The following MYO1E variants were observed in gnomAD, a reference collection of about 807,000 sequenced individuals.
MYO1E encodes the protein unconventional myosin-Ie.
In MYO1E, 68 loss-of-function variants were observed where a neutral mutation model predicts 151.1. The ratio of observed to expected loss-of-function variants is 0.45; its 90% CI spans 0.37 to 0.55. The LOEUF (loss-of-function observed/expected upper bound fraction) is 0.55. Ranked by LOEUF, MYO1E falls within the 20% of genes least tolerant of loss-of-function variation. MYO1E has a pLI of 0.00. For synonymous variants in MYO1E, 601 were observed against 501.7 expected (o/e 1.20, Z -2.64); for missense variants, 1,363 against 1,389.3 (o/e 0.98, Z 0.30).
chr15:59,227,468 T>C lies in MYO1E; in HGVS notation c.633A>G (p.Ile211Met). ...AAGTAAACAGGAAAACCTGGTAAAATATGTGAAAACTCCGCTCTCCTGGGT... is the reference window on the plus strand; with the variant it reads ...AAGTAAACAGGAAAACCTGGTAAAACATGTGAAAACTCCGCTCTCCTGGGT... ...MRNPGERSFHIFYQLIEGASA... is the reference protein window; with the variant it reads ...MRNPGERSFHMFYQLIEGASA... Residue 211 changes from isoleucine (I) to methionine (M), a missense_variant, in exon 7 of 28, where the codon ATA becomes ATG. Physicochemically the swap from Ile to Met is conservative, Grantham distance 10. Transcript: ENST00000288235. 6.2e-7 allele frequency: 1 copy of C among 1,614,042 alleles called. No homozygotes were observed.
intron 1 of MYO1E, among the ~76,000 whole-genome samples, chr15:59,358,828 C>T (rs2080869464): frequency 6.6e-6 from 1 of 152,078 alleles, no homozygotes. Context: ...CAAACATTTC[C>T]AGTAAAAGCA....
At chr15:59,245,505 T>C (rs760067862) in intron 4 of MYO1E, among the ~76,000 whole-genome samples, 1 of 152,170 alleles carries the variant, frequency 6.6e-6, no homozygotes, top group Non-Finnish European at 1.5e-5. Flanking sequence ...TTTAAAAAAG[T>C]ATTTATTTAG....
intron 1 of MYO1E, among the ~76,000 whole-genome samples, chr15:59,297,437 ATT>A (rs755470049): frequency 6.6e-4 from 42 of 63,478 alleles, no homozygotes; most frequent in Admixed American, 1.3e-3. Context: ...CACCCAGCTA[ATT>A]TTTTTTTTTT....
At chr15:59,363,766 G>C (rs1254090274) in intron 1 of MYO1E, among the ~76,000 whole-genome samples, 1 of 152,134 alleles carries the variant, frequency 6.6e-6, no homozygotes, top group African/African-American at 2.4e-5. Context: ...CTCATAAGCA[G>C]AGGCAGAGAG....
chr15:59,164,492 T>G (rs2079553800), intron 22 of MYO1E, among the ~76,000 whole-genome samples: 1 of 152,202 alleles, frequency 6.6e-6, no homozygotes, highest in Non-Finnish European at 1.5e-5. Flanking sequence ...TGCTCTGCTC[T>G]CAGAGCACCT....
At chr15:59,342,517 G>A (rs2080771755) in intron 1 of MYO1E, among the ~76,000 whole-genome samples, 1 of 152,210 alleles carries the variant, frequency 6.6e-6, no homozygotes, top group South Asian at 2.1e-4. Flanking sequence ...ATTTGGTGAA[G>A]TGTGTTGCTT....
rs35994028 is a variant in MYO1E, at chr15:59,173,443, G to GACAA, written c.2334+299_2334+302dup. Reference sequence around the variant, plus strand: ...TCGAAAATTCTCGCATTATTTAAAAGACAAACAAAAAACCACTTCAGGACA... The same window carrying GACAA: ...TCGAAAATTCTCGCATTATTTAAAAGACAAACAAACAAAAAACCACTTCAGGACA... On this transcript the variant is annotated intron_variant, in intron 21 of 27. Coordinates refer to ENST00000288235, the MANE Select transcript of MYO1E (RefSeq NM_004998.4). Among the ~76,000 whole-genome samples the GACAA allele has an allele frequency of 0.45, 68,354 of 151,646 alleles. 18,072 individuals carry two copies. Among genetic ancestry groups the GACAA allele is most frequent in the Non-Finnish European group, 0.6 (40,953 of 67,810 alleles).
chr15:59,340,893 A>G (rs1479983620), intron 1 of MYO1E, among the ~76,000 whole-genome samples: 7 of 151,636 alleles, frequency 4.6e-5, no homozygotes, highest in Non-Finnish European at 7.4e-5. Flanking sequence ...GTGGTGGCAC[A>G]CACCTGTAAT....
intron 5 of MYO1E, among the ~76,000 whole-genome samples, chr15:59,235,818 T>G (rs115231374): frequency 6.6e-6 from 1 of 152,320 alleles, no homozygotes; most frequent in African/African-American, 2.4e-5. Context: ...TGTCCCTACT[T>G]CCTACCAATC....
chr15:59,251,416 G>A (rs865774482), intron 4 of MYO1E, among the ~76,000 whole-genome samples: 2 of 152,200 alleles, frequency 1.3e-5, no homozygotes, highest in African/African-American at 2.4e-5. Flanking sequence ...GGCAATTGTG[G>A]TAGGATAAAA....
intron 1 of MYO1E, among the ~76,000 whole-genome samples, chr15:59,346,336 G>A (rs566598985): frequency 3.9e-5 from 6 of 152,184 alleles, no homozygotes; most frequent in South Asian, 2.1e-4. Flanking sequence ...TACGAATGAC[G>A]GCCCCATAGC....
At chr15:59,179,431 C>G (rs370218121) in intron 18 of MYO1E, among the ~76,000 whole-genome samples, 4 of 152,330 alleles carry the variant, frequency 2.6e-5, no homozygotes, top group South Asian at 4.2e-4. Context: ...GTGGCTCCTG[C>G]TGTACATCCA....
chr15:59,174,144 C>T lies in MYO1E; in HGVS notation c.2146G>A (p.Val716Ile), dbSNP rs141033770. Residue 716 changes from valine to isoleucine, a missense_variant, in exon 20 of 28, where the codon GTT (valine) becomes ATT (isoleucine). By Grantham distance (29) the Val-to-Ile change is conservative. Coordinates refer to ENST00000288235, the MANE Select transcript of MYO1E (RefSeq NM_004998.4). ...AAAATACCTTCTTCTCTCATTTGAA[C>T]GTATTTCTTCCGGGCCACGAATTTC... ...WRKFVARKKY[V>I]QMREEASDLL... 6.2e-6 allele frequency: 10 copies of T among 1,613,152 alleles called. No individual in the cohort carries two copies. The highest frequency in any genetic ancestry group is 1.7e-5 in the Admixed American group (1 of 60,012).
chr15:59,305,535 C>T (rs960642188), intron 1 of MYO1E, among the ~76,000 whole-genome samples: 4 of 152,098 alleles, frequency 2.6e-5, no homozygotes, highest in African/African-American at 9.7e-5. Flanking sequence ...CTTAGAGAAA[C>T]GAAAAATACA....
chr15:59,211,948 T>C (rs1035356570), intron 12 of MYO1E, among the ~76,000 whole-genome samples: 7 of 152,024 alleles, frequency 4.6e-5, no homozygotes, highest in Non-Finnish European at 1.0e-4. Context: ...TCCCACTCTA[T>C]AAGTCTATAG....
chr15:59,313,146 T>C (rs929480911), intron 1 of MYO1E, among the ~76,000 whole-genome samples: 17 of 152,198 alleles, frequency 1.1e-4, no homozygotes, highest in Non-Finnish European at 4.4e-5. Flanking sequence ...GACTTATAAA[T>C]AAGTTTGTAA....
At chr15:59,331,147 T>C (rs2140423047) in intron 1 of MYO1E, among the ~76,000 whole-genome samples, 1 of 152,312 alleles carries the variant, frequency 6.6e-6, no homozygotes, top group Non-Finnish European at 1.5e-5. Flanking sequence ...TGAGTAGCTG[T>C]GACAGAGACT....
intron 4 of MYO1E, among the ~76,000 whole-genome samples, chr15:59,251,632 G>T (rs2080165573): frequency 1.3e-5 from 2 of 152,062 alleles, no homozygotes; most frequent in Non-Finnish European, 2.9e-5. Flanking sequence ...AATATTTAGG[G>T]GTAAAATGTC....
chr15:59,343,025 G>C (rs1395550355), intron 1 of MYO1E, among the ~76,000 whole-genome samples: 1 of 152,008 alleles, frequency 6.6e-6, no homozygotes, highest in African/African-American at 2.4e-5. Context: ...TTCTATTTGA[G>C]ATATGTATAG....
Sources: allele counts gnomAD v4.1 joint callset (sites outside exome capture counted in the v4.1 genomes callset), GRCh38; gene constraint gnomAD v4.1.1; transcripts MANE v1.5; gene names NCBI Gene and HGNC (gene_info 2026-07-23, HGNC 2026-07-21).